Variants in UBA52 observed in about 807,000 individuals in gnomAD.
UBA52 encodes ubiquitin A-52 residue ribosomal protein fusion product 1.
In UBA52, 1 loss-of-function variant was observed where a neutral mutation model predicts 15.3. The observed-to-expected ratio is 0.07, with a 90% CI of 0.02 to 0.31. The LOEUF (loss-of-function observed/expected upper bound fraction) is 0.31, where lower values mean the gene tolerates loss of function less well. Among genes scored for constraint, UBA52 ranks in the 10% least tolerant of loss-of-function variants. The probability of loss-of-function intolerance (pLI) is 1.00; values close to 1 mark genes in which losing one functional copy is unlikely to be tolerated. For missense variants in UBA52, 87 were observed against 168.0 expected (o/e 0.52, Z 2.66); for synonymous variants, 50 against 58.3 (o/e 0.86, Z 0.65).
At chr19:18,564,930 C>T in the UBA52 span, 14 of 1,613,518 alleles carry the variant, frequency 8.7e-6, no homozygotes, top group South Asian at 1.1e-5. Flanking sequence ...GTCCAGTGCC[C>T]GCCTGCAGCA....
At chr19:18,569,292 A>C (rs1399993171), upstream of UBA52, 1 of 152,658 alleles carries the variant, frequency 6.6e-6, no homozygotes, top group Non-Finnish European at 1.5e-5. Flanking sequence ...CTCGGGAAAG[A>C]GTTTAATGGA....
At chr19:18,573,790 A>G in intron 3 of UBA52, 42 bp downstream of exon 3, 1 of 1,590,052 alleles carries the variant, frequency 6.3e-7, no homozygotes, top group Non-Finnish European at 8.6e-7. Context: ...CAAGATCCCC[A>G]GGTCCTAGGA....
upstream of UBA52, among the ~76,000 whole-genome samples, chr19:18,570,277 T>A (rs1975433919): frequency 6.6e-6 from 1 of 151,834 alleles, no homozygotes; most frequent in Non-Finnish European, 1.5e-5. Context: ...CATGGGTCAC[T>A]GCAATCTCAA....
chr19:18,577,352 CAG>C lies in UBA52; in HGVS notation c.*2203_*2204del, dbSNP rs1378044074. On this transcript the variant is annotated 3_prime_UTR_variant, in exon 5 of 5. Transcript: ENST00000442744. ...AAAAGAAAGAAAGGGGAGGGAGTAA[CAG>C]GGATATGAGCTCTAGCCGCCCAAGC... The C allele has an allele frequency of 2.0e-5, 3 of 152,106 alleles. No homozygotes were observed. The highest frequency in any genetic ancestry group is 4.4e-5 in the Non-Finnish European group (3 of 68,018). 9.4% of individuals were successfully genotyped at this position (152,106 alleles called of 1,614,324 possible).
chr19:18,564,938 G>A, the UBA52 span: 4 of 1,613,528 alleles, frequency 2.5e-6, no homozygotes, highest in Non-Finnish European at 1.7e-6. Context: ...CCCGCCTGCA[G>A]CAGATGAGCG....
chr19:18,564,481 CATG>C, the UBA52 span, among the ~76,000 whole-genome samples: 1 of 152,056 alleles, frequency 6.6e-6, no homozygotes, highest in East Asian at 1.9e-4. Flanking sequence ...ATTAGCCAGG[CATG>C]GTGGCGGACG....
upstream of UBA52, among the ~76,000 whole-genome samples, chr19:18,571,068 T>C (rs1975462088): frequency 6.9e-6 from 1 of 145,530 alleles, no homozygotes; most frequent in Admixed American, 6.9e-5. Flanking sequence ...CCCAGCACTT[T>C]GGGAGGCCAA....
intron 3 of UBA52, among the ~76,000 whole-genome samples, chr19:18,574,225 A>AAG (rs1021386018): frequency 1.3e-5 from 2 of 151,174 alleles, no homozygotes; most frequent in African/African-American, 4.9e-5. Context: ...CAAAAAAAAA[A>AAG]AGTCATAATG....
upstream of UBA52, chr19:18,568,890 C>T (rs1160215024): frequency 2.2e-5 from 11 of 506,746 alleles, no homozygotes; most frequent in East Asian, 2.4e-4. Context: ...CAGCTGGAGT[C>T]GTGGGGCTGG....
At chr19:18,573,590 G>C in intron 2 of UBA52, 72 bp from the exon 3 acceptor site, 1 of 1,524,374 alleles carries the variant, frequency 6.6e-7, no homozygotes, top group Non-Finnish European at 9.1e-7. Context: ...GGTAGTGCTG[G>C]AGCTCCCCTG....
chr19:18,574,720 C>T, intron 3 of UBA52, 150 bp from the exon 4 acceptor site: 1 of 995,276 alleles, frequency 1.0e-6, no homozygotes. Context: ...GACAGTGTAT[C>T]TTCCACACGT....
At chr19:18,564,717 C>G in the UBA52 span, 1 of 831,666 alleles carries the variant, frequency 1.2e-6, no homozygotes, top group African/African-American at 1.7e-5. Flanking sequence ...TGCTAGGTGG[C>G]TCAAAGAGTA....
At chr19:18,571,310 CAAAAAAAA>C (rs756456955), upstream of UBA52, among the ~76,000 whole-genome samples, 1 of 108,250 alleles carries the variant, frequency 9.2e-6, no homozygotes, top group Non-Finnish European at 1.8e-5. Flanking sequence ...AACTCCGTCT[CAAAAAAAA>C]AAAAAAAAAA....
upstream of UBA52, chr19:18,568,995 G>A (rs1017186608): frequency 4.6e-5 from 13 of 282,220 alleles, no homozygotes; most frequent in East Asian, 1.7e-4. Flanking sequence ...CCCCACCACC[G>A]GTCAGGACCT....
chr19:18,575,265 TC>T lies in UBA52; in HGVS notation c.*117del. 7.8e-7 allele frequency: 1 copy of T among 1,288,286 alleles called. No individual in the cohort carries two copies. Among genetic ancestry groups the T allele is most frequent in the Non-Finnish European group, 1.1e-6 (1 of 920,320 alleles). The allele number at this position is 1,288,286 out of a possible 1,614,324, so 79.8% of individuals were successfully genotyped here. A position where few individuals can be genotyped will look rare whatever the true frequency, so the allele number is the denominator to read the frequency against. ...AATTGGTGTCCTCATGGCTGATCTGTCCAGGGAGGTGGCTGAAGAGTGGGCA... is the reference window on the plus strand; with the variant it reads ...AATTGGTGTCCTCATGGCTGATCTGTCAGGGAGGTGGCTGAAGAGTGGGCA... On this transcript the variant is annotated 3_prime_UTR_variant, in exon 5 of 5. Transcript: ENST00000442744.
Position 18,573,752 on chromosome 19 carries a change from C to T in UBA52, c.190+4C>T. 1 of 1,613,902 alleles carries T rather than the reference C, an allele frequency of 6.2e-7. No individual in the cohort carries two copies. The highest frequency in any genetic ancestry group is 1.7e-5 in the Admixed American group (1 of 59,978). On this transcript the variant is annotated splice_donor_region_variant and intron_variant, in intron 3 of 4. Transcript: ENST00000442744. ...TCAGACTACAACATCCAGAAAGGTA[C>T]CGGGGTTGGGGTTGCTGGGCAGGGA...
rs1156296063 is a variant in UBA52, at chr19:18,574,852, T to TA, written c.191-18_191-17insA. The TA allele has an allele frequency of 5.6e-6, 9 of 1,611,988 alleles. No individual in the cohort carries two copies. The highest frequency in any genetic ancestry group is 1.3e-5 in the African/African-American group (1 of 74,900). On this transcript the variant is annotated splice_polypyrimidine_tract_variant and intron_variant, in intron 3 of 4. Transcript: ENST00000442744. ...CAGGGCTGGGCTCAGTCGCCGTCCT[T>TA]CTGGCTGTCTCCTGCAGAGTCCACC...
At chr19:18,568,413 G>A (rs1251877817), upstream of UBA52, 2 of 1,613,370 alleles carry the variant, frequency 1.2e-6, no homozygotes, top group Admixed American at 1.7e-5. Context: ...TATCCCAGAG[G>A]CATCCTTCCT....
At chr19:18,572,425 G>C (rs1373480879) in intron 1 of UBA52, 1 of 152,172 alleles carries the variant, frequency 6.6e-6, no homozygotes, top group Non-Finnish European at 1.5e-5. Flanking sequence ...CACCTCCCGG[G>C]CTCGAGCGAT....
Sources: allele counts gnomAD v4.1 joint callset (sites outside exome capture counted in the v4.1 genomes callset), GRCh38; gene constraint gnomAD v4.1.1; transcripts MANE v1.5; gene names NCBI Gene and HGNC (gene_info 2026-07-23, HGNC 2026-07-21).